KIDINS220: variants seen among roughly 807,000 people sequenced by gnomAD.
KIDINS220 encodes kinase D interacting substrate 220.
A neutral mutation model predicts 157.6 loss-of-function variants in KIDINS220; 63 were observed. The ratio of observed to expected loss-of-function variants is 0.40; its 90% CI spans 0.33 to 0.49. KIDINS220 has a LOEUF of 0.49. Among genes scored for constraint, KIDINS220 ranks in the 20% least tolerant of loss-of-function variants. KIDINS220 has a pLI of 0.66. For missense variants in KIDINS220, 1,772 were observed against 2,171.2 expected, an observed-to-expected ratio of 0.82 and a Z score of 3.65; for synonymous variants, 732 against 783.6, an observed-to-expected ratio of 0.93 and a Z score of 1.10.
intron 17 of KIDINS220, among the ~76,000 whole-genome samples, chr2:8,783,289 T>C (rs1337073458): frequency 6.6e-6 from 1 of 152,012 alleles, no homozygotes; most frequent in Non-Finnish European, 1.5e-5. Context: ...CAACACCATT[T>C]ATGGTAGAAA....
rs200868298 is a variant in KIDINS220 at position 8,791,054 on chromosome 2, C to A, written c.1441+6G>T. 2.0e-5 allele frequency: 32 copies of A among 1,611,650 alleles called. No homozygotes were observed. The highest frequency in any genetic ancestry group is 2.7e-5 in the Non-Finnish European group (32 of 1,178,872). Reference sequence around the variant, plus strand: ...TATACAGACTTTGTACAAGCAAGCCCTTTACCTTCTAGTTTCTTGAGTAAG... The same window carrying A: ...TATACAGACTTTGTACAAGCAAGCCATTTACCTTCTAGTTTCTTGAGTAAG... On this transcript the variant is annotated splice_donor_region_variant and intron_variant, in intron 13 of 29. Transcript: ENST00000256707.
intron 9 of KIDINS220, among the ~76,000 whole-genome samples, chr2:8,799,841 A>G (rs1364395424): frequency 6.6e-6 from 1 of 152,244 alleles, no homozygotes; most frequent in Non-Finnish European, 1.5e-5. Context: ...CTCTTGAAGT[A>G]TTTGATAAAT....
intron 4 of KIDINS220, among the ~76,000 whole-genome samples, chr2:8,816,952 G>A (rs1360511451): frequency 6.6e-6 from 1 of 152,156 alleles, no homozygotes; most frequent in African/African-American, 2.4e-5. Context: ...TAAAAACTCA[G>A]ACCGTCTGTA....
chr2:8,810,109 C>T (rs529864949), intron 6 of KIDINS220, among the ~76,000 whole-genome samples: 11 of 152,292 alleles, frequency 7.2e-5, no homozygotes, highest in Non-Finnish European at 1.2e-4. Flanking sequence ...TCCTCTCTCA[C>T]GGATGTAAAC....
chr2:8,816,546 G>A (rs1677102668), intron 4 of KIDINS220, among the ~76,000 whole-genome samples: 1 of 152,156 alleles, frequency 6.6e-6, no homozygotes, highest in East Asian at 1.9e-4. Context: ...TCCACCCCTG[G>A]CCTCTCTAGG....
Position 8,788,744 on chromosome 2 carries a change from A to C in KIDINS220, c.1690T>G (p.Leu564Val). The change falls in exon 15 of 30, where the codon TTG becomes GTG. Residue 564 changes from leucine (L) to valine (V), a missense_variant. Around this residue, in one of 3 missense-constraint regions of KIDINS220, gnomAD observed 725 missense variants for 1,017.1 expected, o/e 0.71. Coordinates refer to ENST00000256707, the MANE Select transcript of KIDINS220 (RefSeq NM_020738.4). ...TCCAAATATCCAATATGTCTTGCCA[A>C]TCTAGTGCTGAGGACCCAGGCCCAA... The part of the protein sequence containing the change: ...WNWAWVLSTR[L>V]ARHIGYLELL... 1 of 1,614,166 alleles carries C rather than the reference A, an allele frequency of 6.2e-7. No homozygotes were observed. Among genetic ancestry groups the C allele is most frequent in the South Asian group, 1.1e-5 (1 of 91,074 alleles).
intron 9 of KIDINS220, among the ~76,000 whole-genome samples, chr2:8,798,830 C>T (rs1674307780): frequency 6.6e-6 from 1 of 152,156 alleles, no homozygotes; most frequent in African/African-American, 2.4e-5. Flanking sequence ...TCAATCCACA[C>T]AGACCTTGAA....
intron 12 of KIDINS220, among the ~76,000 whole-genome samples, chr2:8,793,350 G>T (rs1262469500): frequency 2.0e-5 from 3 of 152,088 alleles, no homozygotes; most frequent in Admixed American, 2.0e-4. Flanking sequence ...AAAAAAATCA[G>T]CTGGGTGTGG....
chr2:8,739,711 TAAGTC>T (rs1447701402), intron 26 of KIDINS220, among the ~76,000 whole-genome samples: 2 of 152,246 alleles, frequency 1.3e-5, no homozygotes, highest in Admixed American at 6.5e-5. Context: ...TGAAATTATC[TAAGTC>T]AAGAAGAGAC....
At chr2:8,789,320 C>T (rs1672856892) in intron 14 of KIDINS220, among the ~76,000 whole-genome samples, 1 of 132,654 alleles carries the variant, frequency 7.5e-6, no homozygotes, top group African/African-American at 2.9e-5. Flanking sequence ...TGGAGTCTCG[C>T]TCTGTTGCCC....
rs761013264 is a variant in KIDINS220, at chr2:8,733,550, G to C, written c.3947C>G (p.Thr1316Ser). ...RRASHNELPH[T>S]ELSSQTPYTL... ...GTAGGGCGTCTGGCTGGAGAGCTCG[G>C]TGTGAGGCAGCTCGTTGTGGGAAGC... The change falls in exon 29 of 30, where the codon ACC becomes AGC. Residue 1316 changes from threonine (T) to serine (S), a missense_variant. Physicochemically the swap from Thr to Ser is moderately conservative, Grantham distance 58. Transcript: ENST00000256707. The C allele has an allele frequency of 5.6e-6, 9 of 1,614,150 alleles. No individual in the cohort carries two copies. In the South Asian group the frequency reaches 8.8e-5, roughly 16 times the overall value.
At chr2:8,771,017 G>T (rs567642049) in intron 21 of KIDINS220, among the ~76,000 whole-genome samples, 185 bp from the exon 22 acceptor site, 1 of 152,188 alleles carries the variant, frequency 6.6e-6, no homozygotes, top group African/African-American at 2.4e-5. Context: ...AAAGCTTTTA[G>T]GGCTTAAACA....
In KIDINS220 at chr2:8,751,524, T is replaced by C. The variant is rs538168345; in HGVS notation, c.3132A>G (p.Val1044=). Residue 1044 remains valine (V), a synonymous_variant, in exon 23 of 30, where the codon GTA becomes GTG. Coordinates refer to ENST00000256707, the MANE Select transcript of KIDINS220 (RefSeq NM_020738.4). Reference sequence around the variant, plus strand: ...TTACAGTGCATGGCAAAAAGACTTTTACATCTCGAGCCACAAGAACTGGGG... The same window carrying C: ...TTACAGTGCATGGCAAAAAGACTTTCACATCTCGAGCCACAAGAACTGGGG... ...SRTPVLVARD[V]KVFLPCTVNL... 1.2e-6 allele frequency: 2 copies of C among 1,613,746 alleles called. No individual in the cohort carries two copies. Among genetic ancestry groups the C allele is most frequent in the Middle Eastern group, 1.7e-4 (1 of 6,060 alleles).
intron 2 of KIDINS220, among the ~76,000 whole-genome samples, chr2:8,823,806 G>T (rs1678351125): frequency 6.6e-6 from 1 of 152,006 alleles, no homozygotes; most frequent in Non-Finnish European, 1.5e-5. Flanking sequence ...TAATCTTTTT[G>T]TAACAACCTC....
chr2:8,827,042 T>A lies in KIDINS220; in HGVS notation c.52A>T (p.Ile18Phe). 1 of 1,610,750 alleles carries A rather than the reference T, an allele frequency of 6.2e-7. No homozygotes were observed. ...TCAAGAAGAGCTTTCAGAGCAGGAATGTTTTCTTCCTCTACATAATTTATG... is the reference window on the plus strand; with the variant it reads ...TCAAGAAGAGCTTTCAGAGCAGGAAAGTTTTCTTCCTCTACATAATTTATG... ...SVINYVEEEN[I>F]PALKALLEKC... Residue 18 changes from isoleucine (I) to phenylalanine (F), a missense_variant, in exon 2 of 30, where the codon ATT (isoleucine) becomes TTT (phenylalanine). Ile to Phe is a conservative substitution (Grantham distance 21). Transcript: ENST00000256707.
chr2:8,814,983 C>CA (rs1439905144), intron 4 of KIDINS220, among the ~76,000 whole-genome samples: 1 of 152,180 alleles, frequency 6.6e-6, no homozygotes, highest in Non-Finnish European at 1.5e-5. Context: ...GTCAAGGCCA[C>CA]AAAAGACACA....
chr2:8,817,578 A>C, intron 4 of KIDINS220, 40 bp downstream of exon 4: 2 of 1,091,600 alleles, frequency 1.8e-6, no homozygotes, highest in Non-Finnish European at 2.7e-6. Context: ...GATTATAAAT[A>C]AGATTTCAGC....
chr2:8,779,007 G>C lies in KIDINS220; in HGVS notation c.2503C>G (p.Arg835Gly). Residue 835 changes from arginine to glycine, a missense_variant, in exon 19 of 30, where the codon CGC becomes GGC. By Grantham distance (125) the Arg-to-Gly change is moderately radical (BLOSUM62 -2). Transcript: ENST00000256707. ...DSNINGHDYM[R>G]NIVHLPVFLN... ...AACACAGGCAAGTGGACTATGTTGC[G>C]CATGTAGTCATGGCCATTTATATTT... 6.2e-7 allele frequency: 1 copy of C among 1,614,074 alleles called. No individual in the cohort carries two copies. Among genetic ancestry groups the C allele is most frequent in the Non-Finnish European group, 8.5e-7 (1 of 1,180,016 alleles).
downstream of KIDINS220, chr2:8,721,380 G>C (rs931882779): frequency 3.9e-5 from 6 of 152,168 alleles, no homozygotes; most frequent in Non-Finnish European, 7.3e-5. Flanking sequence ...ATCATAATTG[G>C]ATGAGTGATA....
Sources: allele counts gnomAD v4.1 joint callset (sites outside exome capture counted in the v4.1 genomes callset), GRCh38; gene constraint gnomAD v4.1.1; regional missense constraint gnomAD v4.1.1; transcripts MANE v1.5; gene names NCBI Gene and HGNC (gene_info 2026-07-23, HGNC 2026-07-21).